Variants in CHST9 observed in about 807,000 individuals in gnomAD.
CHST9 encodes the protein GalNAc-4-sulfotransferase 2.
A neutral mutation model predicts 44.4 loss-of-function variants in CHST9; 41 were observed. The observed-to-expected ratio is 0.92, with a 90% CI of 0.72 to 1.20. The LOEUF is 1.20. Among genes scored for constraint, CHST9 ranks in the 50% most tolerant of loss-of-function variants. The pLI is 0.00. For synonymous variants in CHST9, 171 were observed against 178.4 expected (o/e 0.96, Z 0.33); for missense variants, 504 against 516.5 (o/e 0.98, Z 0.23).
intron 4 of CHST9, among the ~76,000 whole-genome samples, chr18:27,014,638 C>A (rs1414757918): frequency 6.6e-6 from 1 of 151,748 alleles, no homozygotes; most frequent in Non-Finnish European, 1.5e-5. Context: ...AGCAGCGAAT[C>A]AAAAACTGGA....
rs182517349 is a variant in CHST9, at chr18:26,969,219, G to T, written c.203-24853C>A. ...GGGTTTCACCGTATTAGCCAGGTTG[G>T]TCTCGATCTCCTGACCTTGTGATCC... On this transcript the variant is annotated intron_variant, in intron 4 of 5. Coordinates refer to ENST00000618847, the MANE Select transcript of CHST9 (RefSeq NM_031422.6). 9.5e-3 allele frequency among the ~76,000 whole-genome samples: 1,440 copies of T among 151,898 alleles called. 92 individuals are homozygous for T. The highest frequency in any genetic ancestry group is 0.087 in the Admixed American group (1,323 of 15,254).
chr18:27,072,880 C>A (rs148800433), intron 2 of CHST9, among the ~76,000 whole-genome samples: 194 of 152,242 alleles, frequency 1.3e-3, no homozygotes, highest in African/African-American at 4.6e-3. Context: ...TAGATCCTTG[C>A]AACTCAAAGT....
At position 26,915,560 on chromosome 18, in the gene CHST9, C is replaced by T. The variant is rs2055503832; in HGVS notation, c.*699G>A. 1 of 152,106 alleles carries T rather than the reference C, an allele frequency of 6.6e-6. No individual in the cohort carries two copies. 9.4% of individuals were successfully genotyped at this position (152,106 alleles called of 1,614,324 possible). A position where few individuals can be genotyped will look rare whatever the true frequency, so the allele number is the denominator to read the frequency against. On this transcript the variant is annotated 3_prime_UTR_variant, in exon 6 of 6. Transcript: ENST00000618847. The stretch of plus-strand genomic sequence containing the variant: ...TTTAGTGCTTGTGTTCATTTTGTCT[C>T]TTTGTGGAAGGCTCAAAAGAAAACA...
intron 2 of CHST9, among the ~76,000 whole-genome samples, chr18:27,108,691 G>A (rs1483280619): frequency 1.3e-5 from 2 of 152,116 alleles, no homozygotes; most frequent in South Asian, 2.1e-4. Flanking sequence ...AGGGAAGGAA[G>A]GAATCATGGA....
At chr18:26,962,468 T>G (rs551031475) in intron 4 of CHST9, among the ~76,000 whole-genome samples, 1 of 152,226 alleles carries the variant, frequency 6.6e-6, no homozygotes, top group African/African-American at 2.4e-5. Flanking sequence ...TTTTTGTATT[T>G]TTAGTAGAGA....
Position 27,022,653 on chromosome 18 carries a change from T to C in CHST9, c.202+1463A>G, listed in dbSNP as rs193212383. ...TGCTTTGATGTCTCCATGCTTTTGCTTGTACTGCCTGAAATGCTGCCCTTC... is the reference window on the plus strand; with the variant it reads ...TGCTTTGATGTCTCCATGCTTTTGCCTGTACTGCCTGAAATGCTGCCCTTC... On this transcript the variant is annotated intron_variant, in intron 4 of 5. Transcript: ENST00000618847. Among the ~76,000 whole-genome samples the C allele has an allele frequency of 2.6e-5, 4 of 152,346 alleles. No homozygotes were observed. In the East Asian group the frequency reaches 7.7e-4, roughly 29 times the overall value.
chr18:27,014,113 T>G (rs374118645), intron 4 of CHST9, among the ~76,000 whole-genome samples: 11 of 152,108 alleles, frequency 7.2e-5, no homozygotes, highest in African/African-American at 2.4e-4. Context: ...ACATGTGCAC[T>G]TCATTAAAGT....
intron 1 of CHST9, among the ~76,000 whole-genome samples, chr18:27,169,742 G>A (rs537163975): frequency 7.9e-5 from 12 of 151,562 alleles, no homozygotes; most frequent in Admixed American, 2.0e-4. Context: ...GAGCAGCTGG[G>A]ACTACAGGCA....
intron 2 of CHST9, among the ~76,000 whole-genome samples, chr18:27,092,378 T>A (rs1354450117): frequency 6.6e-6 from 1 of 152,132 alleles, no homozygotes; most frequent in Non-Finnish European, 1.5e-5. Context: ...ATTTTGTTGA[T>A]CTTTTCAAAA....
chr18:26,968,296 T>A (rs1382561036), intron 4 of CHST9, among the ~76,000 whole-genome samples: 1 of 152,166 alleles, frequency 6.6e-6, no homozygotes, highest in Non-Finnish European at 1.5e-5. Flanking sequence ...ATATTTACAC[T>A]CCCACCAACA....
chr18:27,003,356 A>C (rs2056975438), intron 4 of CHST9, among the ~76,000 whole-genome samples: 1 of 152,126 alleles, frequency 6.6e-6, no homozygotes, highest in African/African-American at 2.4e-5. Flanking sequence ...GAAGACCTAG[A>C]TCTACCACTC....
intron 4 of CHST9, among the ~76,000 whole-genome samples, chr18:26,998,967 G>A (rs937583077): frequency 8.5e-5 from 13 of 152,156 alleles, no homozygotes; most frequent in African/African-American, 3.1e-4. Flanking sequence ...CTGGGTAGCA[G>A]GAGGTTCCAC....
chr18:27,095,353 C>T (rs1161975297), intron 2 of CHST9, among the ~76,000 whole-genome samples: 2 of 152,102 alleles, frequency 1.3e-5, no homozygotes, highest in East Asian at 3.9e-4. Context: ...AGTATATAGC[C>T]TGCAGAACCT....
At chr18:26,944,539 A>G (rs953477354) in intron 4 of CHST9, among the ~76,000 whole-genome samples, 173 bp from the exon 5 acceptor site, 3 of 152,192 alleles carry the variant, frequency 2.0e-5, no homozygotes, top group African/African-American at 7.2e-5. Context: ...GGGGAAAAAA[A>G]GCCAAAACCT....
chr18:27,045,193 C>T (rs1043829293), intron 3 of CHST9, among the ~76,000 whole-genome samples: 2 of 151,930 alleles, frequency 1.3e-5, no homozygotes, highest in Non-Finnish European at 2.9e-5. Context: ...TCCACTAGGG[C>T]TATTCTTTCC....
At chr18:27,132,698 T>C (rs371587192) in intron 2 of CHST9, among the ~76,000 whole-genome samples, 18 of 152,258 alleles carry the variant, frequency 1.2e-4, no homozygotes, top group East Asian at 3.9e-4. Context: ...GAAAATGGGG[T>C]CCATTATGAG....
chr18:26,939,274 T>G (rs909983891), intron 5 of CHST9, among the ~76,000 whole-genome samples: 1 of 152,180 alleles, frequency 6.6e-6, no homozygotes, highest in South Asian at 2.1e-4. Context: ...AGGTCTTATA[T>G]GAGTAAATTT....
intron 2 of CHST9, among the ~76,000 whole-genome samples, chr18:27,133,801 T>C (rs570309544): frequency 2.0e-5 from 3 of 152,118 alleles, no homozygotes; most frequent in Non-Finnish European, 4.4e-5. Context: ...AAGTCAGCCA[T>C]GGAAATGGCC....
intron 4 of CHST9, among the ~76,000 whole-genome samples, chr18:26,957,566 C>CAAAAA (rs200839830): frequency 1.4e-3 from 200 of 141,726 alleles, no homozygotes; most frequent in African/African-American, 4.9e-3. Flanking sequence ...AACTACACTG[C>CAAAAA]AAAAAAAAAA....
Sources: allele counts gnomAD v4.1 joint callset (sites outside exome capture counted in the v4.1 genomes callset), GRCh38; gene constraint gnomAD v4.1.1; transcripts MANE v1.5; gene names NCBI Gene and HGNC (gene_info 2026-07-23, HGNC 2026-07-21).